FER1L6: variants seen among roughly 807,000 people sequenced by gnomAD.
FER1L6 encodes fer-1 like family member 6.
A neutral mutation model predicts 219.2 loss-of-function variants in FER1L6; 177 were observed. That is an observed-to-expected ratio of 0.81 (90% CI 0.71 to 0.91). FER1L6 has a LOEUF of 0.91. Ranked by LOEUF, FER1L6 falls within the 40% of genes least tolerant of loss-of-function variation. The pLI is 0.00. For synonymous variants in FER1L6, 768 were observed against 824.3 expected, an observed-to-expected ratio of 0.93 and a Z score of 1.17; for missense variants, 2,153 against 2,259.9, an observed-to-expected ratio of 0.95 and a Z score of 0.96.
intron 31 of FER1L6, among the ~76,000 whole-genome samples, chr8:124,072,213 C>T (rs1476952567): frequency 6.6e-6 from 1 of 152,200 alleles, no homozygotes; most frequent in African/African-American, 2.4e-5. Flanking sequence ...AACAGGGCAG[C>T]TGTTACTGTG....
At chr8:124,118,716 CA>C (rs1823351645) in intron 39 of FER1L6, 127 bp from the exon 40 acceptor site, 1 of 790,896 alleles carries the variant, frequency 1.3e-6, no homozygotes, top group East Asian at 2.7e-5. Flanking sequence ...CAACATTTAT[CA>C]AAATAAAGCA....
chr8:124,003,097 C>T, intron 12 of FER1L6, 70 bp from the exon 13 acceptor site: 1 of 1,354,890 alleles, frequency 7.4e-7, no homozygotes, highest in Non-Finnish European at 1.0e-6. Flanking sequence ...GAGTTTGGAT[C>T]CTTTATGCCA....
chr8:123,910,288 G>A (rs940175583), intron 1 of FER1L6, among the ~76,000 whole-genome samples: 2 of 152,190 alleles, frequency 1.3e-5, no homozygotes, highest in African/African-American at 4.8e-5. Flanking sequence ...AATTTGACTG[G>A]GGAAAGAGTA....
intron 5 of FER1L6, among the ~76,000 whole-genome samples, chr8:123,969,014 T>G (rs1430391622): frequency 6.6e-6 from 1 of 152,166 alleles, no homozygotes. Flanking sequence ...CACTTCAGTT[T>G]TCTGCATCTT....
At chr8:123,979,589 T>A (rs1816234162) in intron 10 of FER1L6, among the ~76,000 whole-genome samples, 1 of 152,346 alleles carries the variant, frequency 6.6e-6, no homozygotes, top group East Asian at 1.9e-4. Context: ...ACACTATGTA[T>A]TAAGAAGTGA....
chr8:123,894,511 G>T (rs535298073), intron 1 of FER1L6, among the ~76,000 whole-genome samples: 2 of 152,268 alleles, frequency 1.3e-5, no homozygotes, highest in Admixed American at 6.5e-5. Flanking sequence ...ATGAGAAATT[G>T]CTCTGGAAGA....
intron 1 of FER1L6, among the ~76,000 whole-genome samples, chr8:123,864,464 G>T (rs764102002): frequency 6.6e-6 from 1 of 150,680 alleles, no homozygotes; most frequent in South Asian, 2.1e-4. Flanking sequence ...GTCTTGGAAA[G>T]TTGCTCTTCT....
At chr8:123,931,937 C>T (rs55653196) in intron 1 of FER1L6, among the ~76,000 whole-genome samples, 59,022 of 151,656 alleles carry the variant, frequency 0.39, 12,056 homozygotes, top group South Asian at 0.52. Context: ...TACAATTCTG[C>T]TTTTGCAAAA....
At chr8:124,049,892 C>A in intron 22 of FER1L6, 136 bp downstream of exon 22, 2 of 871,130 alleles carry the variant, frequency 2.3e-6, no homozygotes, top group Non-Finnish European at 3.7e-6. Flanking sequence ...CTCCTGGGGA[C>A]CTGAGAGGTG....
chr8:123,880,466 A>G (rs1399268026), intron 1 of FER1L6, among the ~76,000 whole-genome samples: 1 of 152,142 alleles, frequency 6.6e-6, no homozygotes, highest in African/African-American at 2.4e-5. Flanking sequence ...ATGGAAGCTG[A>G]TCTCCCAGTT....
chr8:123,982,191 T>C (rs1816354406), intron 11 of FER1L6, among the ~76,000 whole-genome samples: 1 of 152,118 alleles, frequency 6.6e-6, no homozygotes, highest in Non-Finnish European at 1.5e-5. Flanking sequence ...TCACCAGAAG[T>C]TGTGGGTGGC....
At chr8:123,887,850 G>A (rs1817232958) in intron 1 of FER1L6, among the ~76,000 whole-genome samples, 1 of 152,116 alleles carries the variant, frequency 6.6e-6, no homozygotes, top group Admixed American at 6.5e-5. Flanking sequence ...CTGTTTCTCT[G>A]TCTTTGTGCA....
chr8:124,054,348 G>T (rs1396139139), intron 22 of FER1L6, among the ~76,000 whole-genome samples: 1 of 152,160 alleles, frequency 6.6e-6, no homozygotes, highest in Admixed American at 6.5e-5. Context: ...CTTGAGAAAT[G>T]CTTTATATCA....
intron 28 of FER1L6, among the ~76,000 whole-genome samples, chr8:124,068,425 C>A (rs1318881059): frequency 6.6e-6 from 1 of 152,118 alleles, no homozygotes; most frequent in Non-Finnish European, 1.5e-5. Flanking sequence ...AAGAGAGGTA[C>A]AAGGAGGTCA....
intron 1 of FER1L6, among the ~76,000 whole-genome samples, chr8:123,928,741 A>G (rs1342334871): frequency 6.6e-6 from 1 of 152,232 alleles, no homozygotes; most frequent in African/African-American, 2.4e-5. Flanking sequence ...TCCAATGGAT[A>G]CAACTGGAAT....
At chr8:124,020,471 G>A (rs1158041030) in intron 16 of FER1L6, among the ~76,000 whole-genome samples, 3 of 152,194 alleles carry the variant, frequency 2.0e-5, no homozygotes, top group Non-Finnish European at 4.4e-5. Context: ...GGCCTTAGAA[G>A]TCACTGTAAA....
intron 2 of FER1L6, among the ~76,000 whole-genome samples, chr8:123,958,694 C>T (rs1486325274): frequency 7.7e-6 from 1 of 130,456 alleles, no homozygotes; most frequent in Non-Finnish European, 1.7e-5. Context: ...GAGTAAAGTG[C>T]TATTAAAAAA....
At chr8:123,912,931 G>A (rs563831981) in intron 1 of FER1L6, among the ~76,000 whole-genome samples, 12 of 152,266 alleles carry the variant, frequency 7.9e-5, no homozygotes, top group African/African-American at 2.6e-4. Context: ...GAGCGATCTC[G>A]GAAGAGAAGA....
intron 31 of FER1L6, among the ~76,000 whole-genome samples, chr8:124,072,003 A>C (rs1297569559): frequency 6.6e-6 from 1 of 152,140 alleles, no homozygotes; most frequent in Non-Finnish European, 1.5e-5. Context: ...AACTACAGTC[A>C]CCTTAGGAGT....
Sources: gnomAD v4.1 joint callset for allele counts (sites outside exome capture counted in the v4.1 genomes callset) on GRCh38, gnomAD v4.1.1 for gene constraint, MANE v1.5 for transcripts, NCBI Gene and HGNC (gene_info 2026-07-23, HGNC 2026-07-21) for gene names.